IFT57: variants seen among roughly 807,000 people sequenced by gnomAD.
IFT57 encodes intraflagellar transport protein 57 homolog.
IFT57 carries 59 observed loss-of-function variants against 56.8 expected under a neutral mutation model. The observed-to-expected ratio is 1.04, with a 90% confidence interval of 0.84 to 1.29. The LOEUF is 1.29. IFT57 is among the 50% of genes most tolerant of loss of function. The pLI is 0.00. For synonymous variants in IFT57, 209 were observed against 186.1 expected (o/e 1.12, Z -1.00); for missense variants, 470 against 522.1 (o/e 0.90, Z 0.97).
At chr3:108,192,518 T>G (rs1235870353) in intron 5 of IFT57, among the ~76,000 whole-genome samples, 1 of 152,212 alleles carries the variant, frequency 6.6e-6, no homozygotes, top group Admixed American at 6.5e-5. Flanking sequence ...GCATTAAGTA[T>G]GTATGGATCT....
chr3:108,166,787 A>G (rs1204113310), intron 8 of IFT57, 67 bp downstream of exon 8: 33 of 1,354,342 alleles, frequency 2.4e-5, no homozygotes, highest in Non-Finnish European at 3.1e-5. Flanking sequence ...AATGAACAGT[A>G]TTGTGTCAAG....
At chr3:108,162,801 T>C in intron 10 of IFT57, 146 bp from the exon 11 acceptor site, 1 of 602,312 alleles carries the variant, frequency 1.7e-6, no homozygotes. Context: ...CACACAGTTT[T>C]GCTGTGGCAT....
rs761683562 is a variant in IFT57 at position 108,214,022 on chromosome 3, C to A, written c.495-1G>T. 6.4e-7 allele frequency: 1 copy of A among 1,559,486 alleles called. No homozygotes were observed. The highest frequency in any genetic ancestry group is 8.8e-7 in the Non-Finnish European group (1 of 1,132,390). On this transcript the variant is annotated splice_acceptor_variant, in intron 3 of 10. Transcript: ENST00000264538. LOFTEE classifies it high-confidence loss of function. ...TAATTCTTCTACTGGGTATATTGGC[C>A]TAAAATAATAAGATTAAACATGAGG... is the stretch of plus-strand genomic sequence containing the variant.
intron 3 of IFT57, among the ~76,000 whole-genome samples, chr3:108,217,949 A>G (rs891152813): frequency 6.6e-5 from 10 of 151,940 alleles, no homozygotes; most frequent in Non-Finnish European, 1.5e-4. Context: ...TGAAGATTTC[A>G]TGATTTCTAG....
Position 108,214,606 on chromosome 3 carries a change from A to G in IFT57, c.495-585T>C, listed in dbSNP as rs28521947. Among the ~76,000 whole-genome samples, 704 of 152,200 alleles carry G rather than the reference A, an allele frequency of 4.6e-3. 3 individuals are homozygous for G. Among genetic ancestry groups the G allele is most frequent in the African/African-American group, 0.016 (667 of 41,554 alleles). On this transcript the variant is annotated intron_variant, in intron 3 of 10. Transcript: ENST00000264538. Reference sequence around the variant, plus strand: ...AGAGTAACTCCATCTCCATATATTCACCAATATGATATATAATACAAACTT... The same window carrying G: ...AGAGTAACTCCATCTCCATATATTCGCCAATATGATATATAATACAAACTT...
chr3:108,200,562 A>G lies in IFT57; in HGVS notation c.654+6066T>C, dbSNP rs549013556. Among the ~76,000 whole-genome samples the G allele has an allele frequency of 5.9e-5, 9 of 152,342 alleles. No homozygotes were observed. In the South Asian group the frequency reaches 1.2e-3, roughly 21 times the overall value. ...TTTAATATATTGAATTATATAATAA[A>G]TATCTGCTACTAGTGTTGATGGAAG... On this transcript the variant is annotated intron_variant, in intron 5 of 10. Coordinates refer to ENST00000264538, the MANE Select transcript of IFT57 (RefSeq NM_018010.4).
intron 5 of IFT57, among the ~76,000 whole-genome samples, chr3:108,196,464 T>C (rs963018829): frequency 5.9e-5 from 9 of 152,330 alleles, no homozygotes; most frequent in Middle Eastern, 3.4e-3. Flanking sequence ...CAGTGGCCAT[T>C]TGAACTAGAC....
chr3:108,202,590 T>C (rs9878221), intron 5 of IFT57, among the ~76,000 whole-genome samples: 14,810 of 152,242 alleles, frequency 0.097, 781 homozygotes, highest in Middle Eastern at 0.12. Context: ...ATTCTGTGGA[T>C]TAGCCTTGAA....
chr3:108,222,093 G>A lies in IFT57; in HGVS notation c.212+18C>T. On this transcript the variant is annotated intron_variant, in intron 1 of 10. Coordinates refer to ENST00000264538, the MANE Select transcript of IFT57 (RefSeq NM_018010.4). Reference sequence around the variant, plus strand: ...GGGGCTAGCAGGCACCCGGGCGCTCGGGGACGCCGGCACCCACCTGGACGG... The same window carrying A: ...GGGGCTAGCAGGCACCCGGGCGCTCAGGGACGCCGGCACCCACCTGGACGG... The A allele has an allele frequency of 6.3e-7, 1 of 1,575,508 alleles. No homozygotes were observed. Among genetic ancestry groups the A allele is most frequent in the Non-Finnish European group, 8.6e-7 (1 of 1,161,890 alleles).
intron 6 of IFT57, among the ~76,000 whole-genome samples, chr3:108,181,652 G>A (rs1042315187): frequency 6.6e-6 from 1 of 152,024 alleles, no homozygotes; most frequent in Non-Finnish European, 1.5e-5. Context: ...GGATAAATTT[G>A]CTGAAAATTG....
intron 5 of IFT57, among the ~76,000 whole-genome samples, chr3:108,205,860 T>C (rs2080307403): frequency 7.3e-6 from 1 of 136,252 alleles, no homozygotes; most frequent in Non-Finnish European, 1.5e-5. Context: ...CATATATTTA[T>C]ATAACATATT....
At position 108,222,150 on chromosome 3, in the gene IFT57, T is replaced by A. The variant is rs200372212; in HGVS notation, c.173A>T (p.Glu58Val). 25 of 1,613,150 alleles carry A rather than the reference T, an allele frequency of 1.5e-5. No homozygotes were observed. The East Asian group carries it at 2.9e-4, about 19-fold the overall frequency. Residue 58 changes from glutamate (E) to valine (V), a missense_variant, in exon 1 of 11, where the codon GAG (glutamate) becomes GTG (valine). Transcript: ENST00000264538. ...VEKLKLLRYE[E>V]EFLRKSNLKA... ...CAGGTTGCTCTTCCGGAGGAACTCC[T>A]CCTCGTAGCGGAGCAGCTTCAGCTT... is the stretch of plus-strand genomic sequence containing the variant.
At chr3:108,197,902 T>C (rs1332121229) in intron 5 of IFT57, among the ~76,000 whole-genome samples, 1 of 152,136 alleles carries the variant, frequency 6.6e-6, no homozygotes, top group South Asian at 2.1e-4. Context: ...CCTTCCTCAT[T>C]GGAAGGGTTG....
At chr3:108,189,268 A>T (rs1298111219) in intron 6 of IFT57, among the ~76,000 whole-genome samples, 1 of 152,216 alleles carries the variant, frequency 6.6e-6, no homozygotes. Flanking sequence ...GTCCACTTAC[A>T]TTGAATAGAA....
chr3:108,212,385 A>G lies in IFT57; in HGVS notation c.585+1546T>C, dbSNP rs77528061. On this transcript the variant is annotated intron_variant, in intron 4 of 10. Coordinates refer to ENST00000264538, the MANE Select transcript of IFT57 (RefSeq NM_018010.4). The stretch of plus-strand genomic sequence containing the variant: ...CAGCATGCCCACCCAACAATTTTCA[A>G]TGGTGATATAGTTTGGATATATGTC... Among the ~76,000 whole-genome samples the G allele has an allele frequency of 3.6e-3, 548 of 152,132 alleles. 12 individuals are homozygous for G. The East Asian group carries it at 0.038, about 11-fold the overall frequency.
chr3:108,197,353 T>C (rs1298121190), intron 5 of IFT57, among the ~76,000 whole-genome samples: 1 of 152,134 alleles, frequency 6.6e-6, no homozygotes, highest in Admixed American at 6.5e-5. Context: ...ATGGGAGTAA[T>C]AATTGGTCCT....
chr3:108,178,998 G>A (rs866943274), intron 6 of IFT57, among the ~76,000 whole-genome samples: 1 of 151,708 alleles, frequency 6.6e-6, no homozygotes, highest in African/African-American at 2.4e-5. Flanking sequence ...GCAGCATTAT[G>A]CATAATAGTC....
At chr3:108,181,662 G>T (rs1164590736) in intron 6 of IFT57, among the ~76,000 whole-genome samples, 1 of 152,036 alleles carries the variant, frequency 6.6e-6, no homozygotes, top group Non-Finnish European at 1.5e-5. Context: ...GCTGAAAATT[G>T]TATTTTGTTT....
chr3:108,172,565 G>A (rs2080100380), intron 6 of IFT57, among the ~76,000 whole-genome samples: 1 of 151,846 alleles, frequency 6.6e-6, no homozygotes, highest in Non-Finnish European at 1.5e-5. Context: ...AAGGCTAATA[G>A]TCCACATGAT....
Sources: allele counts gnomAD v4.1 joint callset (sites outside exome capture counted in the v4.1 genomes callset), GRCh38; gene constraint gnomAD v4.1.1; transcripts MANE v1.5; gene names NCBI Gene and HGNC (gene_info 2026-07-23, HGNC 2026-07-21).